Variants in FAF1 observed in about 807,000 individuals in gnomAD.
FAF1 encodes the protein Fas associated factor 1, also known as FAS-associated factor 1.
Under a neutral mutation model 92.5 loss-of-function variants are expected in FAF1, and 25 were observed. The observed-to-expected ratio is 0.27, with a 90% CI of 0.20 to 0.38. FAF1 has a LOEUF of 0.38. Ranked by LOEUF, FAF1 falls within the 10% of genes least tolerant of loss-of-function variation. The pLI, the probability that FAF1 is intolerant of heterozygous loss-of-function variation, is 1.00. For synonymous variants in FAF1, 234 were observed against 273.2 expected (o/e 0.86, Z 1.42); for missense variants, 636 against 793.3 (o/e 0.80, Z 2.38).
intron 18 of FAF1, among the ~76,000 whole-genome samples, chr1:50,474,014 C>T (rs544976791): frequency 1.6e-4 from 25 of 152,322 alleles, no homozygotes; most frequent in Non-Finnish European, 5.9e-5. Flanking sequence ...ATGAATCCCT[C>T]TCCATATATA....
intron 1 of FAF1, among the ~76,000 whole-genome samples, chr1:50,883,689 T>G (rs1451760300): frequency 6.6e-6 from 1 of 152,156 alleles, no homozygotes; most frequent in African/African-American, 2.4e-5. Flanking sequence ...CCATCAAATG[T>G]AATATACAAC....
intron 4 of FAF1, among the ~76,000 whole-genome samples, chr1:50,754,602 T>G (rs900528224): frequency 1.3e-5 from 2 of 152,222 alleles, no homozygotes; most frequent in African/African-American, 2.4e-5. Flanking sequence ...TACAACTTTC[T>G]TTATCTGTAA....
At chr1:50,619,288 T>A (rs1653080424) in intron 8 of FAF1, among the ~76,000 whole-genome samples, 1 of 152,258 alleles carries the variant, frequency 6.6e-6, no homozygotes, top group African/African-American at 2.4e-5. Flanking sequence ...TGGTGTTAGC[T>A]GGCTGCTATG....
chr1:50,672,106 C>T (rs572290857), intron 7 of FAF1, among the ~76,000 whole-genome samples: 15 of 151,082 alleles, frequency 9.9e-5, no homozygotes, highest in African/African-American at 1.5e-4. Context: ...AGTACAGTGG[C>T]GCGATCTCAG....
intron 8 of FAF1, among the ~76,000 whole-genome samples, chr1:50,639,482 T>A (rs756342277): frequency 6.6e-6 from 1 of 152,228 alleles, no homozygotes; most frequent in Non-Finnish European, 1.5e-5. Flanking sequence ...TGATTGTATA[T>A]GTTTTCTTAG....
chr1:50,595,487 C>T (rs991901708), intron 9 of FAF1, among the ~76,000 whole-genome samples: 1 of 152,170 alleles, frequency 6.6e-6, no homozygotes, highest in Non-Finnish European at 1.5e-5. Flanking sequence ...AGTTAAAGGA[C>T]TTCCGGGGTC....
At chr1:50,788,641 T>C (rs193172958) in intron 3 of FAF1, among the ~76,000 whole-genome samples, 1 of 152,274 alleles carries the variant, frequency 6.6e-6, no homozygotes, top group African/African-American at 2.4e-5. Context: ...CAATTCTCCC[T>C]ATCTCACATC....
At chr1:50,694,683 C>T (rs1452018917) in intron 7 of FAF1, among the ~76,000 whole-genome samples, 3 of 151,536 alleles carry the variant, frequency 2.0e-5, no homozygotes, top group Non-Finnish European at 2.9e-5. Context: ...TGGTGGCTCA[C>T]GCCTGCAATC....
intron 13 of FAF1, among the ~76,000 whole-genome samples, chr1:50,544,480 A>G (rs1205684886): frequency 6.6e-6 from 1 of 152,162 alleles, no homozygotes; most frequent in Non-Finnish European, 1.5e-5. Context: ...ACTTTGAGAC[A>G]CATTGCTTTC....
At chr1:50,958,474 A>G (rs1645287929) in intron 1 of FAF1, among the ~76,000 whole-genome samples, 1 of 152,104 alleles carries the variant, frequency 6.6e-6, no homozygotes, top group African/African-American at 2.4e-5. Context: ...TCAGGAGATC[A>G]AGACCATCCT....
At chr1:50,700,976 A>G (rs1302344379) in intron 7 of FAF1, among the ~76,000 whole-genome samples, 1 of 152,092 alleles carries the variant, frequency 6.6e-6, no homozygotes, top group Non-Finnish European at 1.5e-5. Flanking sequence ...ATCCCTACTG[A>G]TTTATATTCA....
At chr1:50,634,043 T>C (rs1418632173) in intron 8 of FAF1, among the ~76,000 whole-genome samples, 2 of 152,218 alleles carry the variant, frequency 1.3e-5, no homozygotes, top group African/African-American at 2.4e-5. Flanking sequence ...TTAAAAACTA[T>C]ATATATTCTA....
At chr1:50,835,086 A>G (rs1273229816) in intron 2 of FAF1, among the ~76,000 whole-genome samples, 1 of 152,194 alleles carries the variant, frequency 6.6e-6, no homozygotes, top group Non-Finnish European at 1.5e-5. Context: ...AGTAGCACAG[A>G]TGTGAGGAAG....
intron 2 of FAF1, among the ~76,000 whole-genome samples, chr1:50,845,705 A>T (rs1175299174): frequency 6.6e-6 from 1 of 152,074 alleles, no homozygotes; most frequent in Non-Finnish European, 1.5e-5. Flanking sequence ...CATCTTCAAC[A>T]ATATGTGAAT....
intron 12 of FAF1, chr1:50,582,365 CAAAT>C (rs1651031471): frequency 2.5e-6 from 1 of 393,210 alleles, no homozygotes; most frequent in East Asian, 3.8e-5. Flanking sequence ...GAACCAGAAA[CAAAT>C]AAAGTCTCCA....
At chr1:50,795,600 C>T (rs1305925851) in intron 3 of FAF1, among the ~76,000 whole-genome samples, 2 of 152,048 alleles carry the variant, frequency 1.3e-5, no homozygotes, top group Non-Finnish European at 2.9e-5. Flanking sequence ...TATCAGTGTC[C>T]AAAACACCAC....
intron 1 of FAF1, among the ~76,000 whole-genome samples, chr1:50,931,720 C>G (rs983524714): frequency 3.3e-5 from 5 of 151,360 alleles, no homozygotes; most frequent in Non-Finnish European, 7.4e-5. Flanking sequence ...ACAACAACAA[C>G]AAAAAAATTA....
intron 15 of FAF1, among the ~76,000 whole-genome samples, chr1:50,527,430 C>T (rs1286614470): frequency 6.6e-6 from 1 of 152,156 alleles, no homozygotes; most frequent in East Asian, 1.9e-4. Flanking sequence ...AATTGTCTCC[C>T]AATCTGTGGG....
At chr1:50,461,928 G>A (rs1003242144) in intron 18 of FAF1, among the ~76,000 whole-genome samples, 17 of 147,764 alleles carry the variant, frequency 1.2e-4, no homozygotes, top group Non-Finnish European at 2.2e-4. Flanking sequence ...TGGGGTTGGG[G>A]AGAAAAATAA....
Sources: allele counts gnomAD v4.1 joint callset (sites outside exome capture counted in the v4.1 genomes callset), GRCh38; gene constraint gnomAD v4.1.1; transcripts MANE v1.5; gene names NCBI Gene and HGNC (gene_info 2026-07-23, HGNC 2026-07-21).